The following CADM4 variants were observed in gnomAD, a reference collection of about 807,000 sequenced individuals.
CADM4 encodes cell adhesion molecule 4.
Under a neutral mutation model 43.9 loss-of-function variants are expected in CADM4, and 13 were observed. That is an observed-to-expected ratio of 0.30 (90% CI 0.19 to 0.47). The LOEUF is 0.47. Among genes scored for constraint, CADM4 ranks in the 20% least tolerant of loss-of-function variants. CADM4 has a pLI of 1.00. For missense variants in CADM4, 420 were observed against 527.0 expected (o/e 0.80, Z 1.99); for synonymous variants, 209 against 220.9 (o/e 0.95, Z 0.48).
intron 1 of CADM4, among the ~76,000 whole-genome samples, chr19:43,632,950 T>G (rs1344296406): frequency 1.3e-5 from 2 of 150,758 alleles, no homozygotes; most frequent in Admixed American, 1.3e-4. Flanking sequence ...AGCTAGGCAG[T>G]GGTAGCCCGG....
intron 1 of CADM4, among the ~76,000 whole-genome samples, chr19:43,631,889 C>T (rs773446374): frequency 1.4e-4 from 21 of 152,214 alleles, no homozygotes; most frequent in East Asian, 5.8e-4. Context: ...TTTAGTGTAA[C>T]GCTTTGGGTA....
upstream of CADM4, among the ~76,000 whole-genome samples, chr19:43,640,396 G>C (rs999987705): frequency 2.6e-5 from 4 of 151,818 alleles, no homozygotes; most frequent in Non-Finnish European, 5.9e-5. Context: ...CTGAGCCACC[G>C]GGACAGGGGA....
In CADM4 at chr19:43,627,150, A is replaced by T. The variant is rs1331343629; in HGVS notation, c.364+16T>A. ...AAAGGAGGAGAGGATGCGTCTGACA[A>T]GGGGGAGGGCGTTACCTAGTACCGT... On this transcript the variant is annotated intron_variant, in intron 3 of 8. Transcript: ENST00000222374. The surrounding 1 kb of genome is among the most constrained non-coding windows in gnomAD (Gnocchi z 4.0). 1.9e-6 allele frequency: 3 copies of T among 1,549,700 alleles called. No homozygotes were observed. Among genetic ancestry groups the T allele is most frequent in the Non-Finnish European group, 2.6e-6 (3 of 1,144,204 alleles).
chr19:43,640,105 G>A (rs545602247), upstream of CADM4, among the ~76,000 whole-genome samples: 6 of 150,462 alleles, frequency 4.0e-5, no homozygotes, highest in East Asian at 1.2e-3. Context: ...AATGGAGGGT[G>A]TTGGGTGAGG....
chr19:43,639,626 G>T, intron 1 of CADM4, 101 bp downstream of exon 1: 2 of 656,600 alleles, frequency 3.0e-6, no homozygotes, highest in South Asian at 6.5e-5. Context: ...GCCCGGCCCC[G>T]CGCGCATTGT....
chr19:43,633,656 T>TTC (rs908631096), intron 1 of CADM4, among the ~76,000 whole-genome samples: 8 of 144,116 alleles, frequency 5.6e-5, no homozygotes, highest in African/African-American at 1.6e-4. Flanking sequence ...CTTTCTCTCT[T>TTC]TCTCTCTCTC....
chr19:43,627,168 A>T lies in CADM4; in HGVS notation c.362T>A (p.Leu121Gln), dbSNP rs775675696. 1 of 1,593,402 alleles carries T rather than the reference A, an allele frequency of 6.3e-7. No homozygotes were observed. The highest frequency in any genetic ancestry group is 1.1e-5 in the South Asian group (1 of 88,554). Residue 121 changes from leucine (L) to glutamine (Q), a missense_variant and splice_region_variant, in exon 3 of 9, where the codon CTA becomes CAA. Physicochemically the swap from Leu to Gln is moderately radical, Grantham distance 113. Transcript: ENST00000222374. The surrounding 1 kb of genome is among the most constrained non-coding windows in gnomAD (Gnocchi z 4.0). Reference protein sequence around the residue: ...THHQIATLTVLVAPENPVVEV... With the variant: ...THHQIATLTVQVAPENPVVEV... ...TCTGACAAGGGGGAGGGCGTTACCT[A>T]GTACCGTGAGCGTGGCAATCTGGTG... is the stretch of plus-strand genomic sequence containing the variant.
Position 43,626,696 on chromosome 19 carries a change from G to T in CADM4, c.499+88C>A. Reference sequence around the variant, plus strand: ...TACATATTGAATGTCCAGTGTCTGTGAAAACCTGTGGCTCCTCTCCACATA... The same window carrying T: ...TACATATTGAATGTCCAGTGTCTGTTAAAACCTGTGGCTCCTCTCCACATA... On this transcript the variant is annotated intron_variant, in intron 4 of 8. Coordinates refer to ENST00000222374, the MANE Select transcript of CADM4 (RefSeq NM_145296.2). The surrounding 1 kb of genome is among the most constrained non-coding windows in gnomAD (Gnocchi z 5.9). 6.9e-7 allele frequency: 1 copy of T among 1,458,998 alleles called. No individual in the cohort carries two copies. Among genetic ancestry groups the T allele is most frequent in the Non-Finnish European group, 9.1e-7 (1 of 1,095,432 alleles). 90.4% of individuals were successfully genotyped at this position (1,458,998 alleles called of 1,614,324 possible). A position where few individuals can be genotyped will look rare whatever the true frequency, so the allele number is the denominator to read the frequency against.
At chr19:43,624,979 G>C in intron 7 of CADM4, 99 bp downstream of exon 7, 1 of 1,288,418 alleles carries the variant, frequency 7.8e-7, no homozygotes, top group South Asian at 1.5e-5. Context: ...AACTCTGTTG[G>C]CTGCCGAACC....
intron 1 of CADM4, among the ~76,000 whole-genome samples, chr19:43,634,359 C>A (rs1042626326): frequency 2.0e-5 from 3 of 152,178 alleles, no homozygotes; most frequent in African/African-American, 7.2e-5. Context: ...CCCCATTTTA[C>A]AGATGTGGAG....
chr19:43,626,764 C>A lies in CADM4; in HGVS notation c.499+20G>T. Reference sequence around the variant, plus strand: ...GTCCCACCTCCTCCCCATCCCTTGTCAGCACTCGGCCCAGGGTACCTTTCA... The same window carrying A: ...GTCCCACCTCCTCCCCATCCCTTGTAAGCACTCGGCCCAGGGTACCTTTCA... On this transcript the variant is annotated intron_variant, in intron 4 of 8. Coordinates refer to ENST00000222374, the MANE Select transcript of CADM4 (RefSeq NM_145296.2). This position sits in a 1 kb window ranked among gnomAD's most constrained non-coding sequence, Gnocchi z 5.9. 1.9e-6 allele frequency: 3 copies of A among 1,550,878 alleles called. No homozygotes were observed. Among genetic ancestry groups the A allele is most frequent in the South Asian group, 2.4e-5 (2 of 83,594 alleles).
intron 7 of CADM4, 48 bp from the exon 8 acceptor site, chr19:43,624,290 A>C (rs144982816): frequency 6.2e-7 from 1 of 1,612,998 alleles, no homozygotes; most frequent in Non-Finnish European, 8.5e-7. Flanking sequence ...GGACGATCCC[A>C]GTCTGGCCCC....
Position 43,635,327 on chromosome 19 carries a change from C to G in CADM4, c.64+4400G>C, listed in dbSNP as rs558336529. Among the ~76,000 whole-genome samples, 4 of 152,096 alleles carry G rather than the reference C, an allele frequency of 2.6e-5. No individual in the cohort carries two copies. In the East Asian group the frequency reaches 7.8e-4, roughly 29 times the overall value. ...TGCGTCCTGACTGAACCCCCCTCAG[C>G]CCCCCATCAATGGCGGAGTCCGAAC... On this transcript the variant is annotated intron_variant, in intron 1 of 8. Transcript: ENST00000222374.
In CADM4 at chr19:43,627,083, G is replaced by A; in HGVS notation, c.364+83C>T. ...ATGCCCATCCAGGATGTTAAAAATA[G>A]CCATGGTCTGAAAGTCTCAGGAGAA... On this transcript the variant is annotated intron_variant, in intron 3 of 8. Transcript: ENST00000222374. The surrounding 1 kb of genome is among the most constrained non-coding windows in gnomAD (Gnocchi z 4.0). 2 of 1,500,456 alleles carry A rather than the reference G, an allele frequency of 1.3e-6. No homozygotes were observed. Among genetic ancestry groups the A allele is most frequent in the Non-Finnish European group, 1.8e-6 (2 of 1,117,792 alleles). 92.9% of individuals were successfully genotyped at this position (1,500,456 alleles called of 1,614,324 possible).
chr19:43,639,782 C>A lies in CADM4; in HGVS notation c.9G>T (p.Arg3=), dbSNP rs1263071045. 5.9e-6 allele frequency: 6 copies of A among 1,016,428 alleles called. No homozygotes were observed. The highest frequency in any genetic ancestry group is 1.8e-5 in the African/African-American group (1 of 56,810). 63.0% of individuals were successfully genotyped at this position (1,016,428 alleles called of 1,614,324 possible). Reference sequence around the variant, plus strand: ...GCAGCGGCCACTGGAAGCGCCGGGCCCGGCCCATGGTGCCGCCGCCGCCGC... The same window carrying A: ...GCAGCGGCCACTGGAAGCGCCGGGCACGGCCCATGGTGCCGCCGCCGCCGC... MG[R]ARRFQWPLLL... is the part of the protein sequence containing the mutation. The change falls in exon 1 of 9, where the codon CGG becomes CGT. Residue 3 remains arginine (R), a synonymous_variant. Transcript: ENST00000222374.
At chr19:43,624,505 A>T (rs1973491260) in intron 7 of CADM4, among the ~76,000 whole-genome samples, 1 of 152,030 alleles carries the variant, frequency 6.6e-6, no homozygotes, top group African/African-American at 2.4e-5. Context: ...GGGTCTCACT[A>T]TGTGGCCCAG....
chr19:43,623,464 G>T lies in CADM4; in HGVS notation c.1058-25C>A. The T allele has an allele frequency of 1.4e-6, 2 of 1,448,628 alleles. No homozygotes were observed. The highest frequency in any genetic ancestry group is 1.1e-5 in the South Asian group (1 of 87,806). 89.7% of individuals were successfully genotyped at this position (1,448,628 alleles called of 1,614,324 possible). On this transcript the variant is annotated intron_variant, in intron 8 of 8. Coordinates refer to ENST00000222374, the MANE Select transcript of CADM4 (RefSeq NM_145296.2). This position sits in a 1 kb window ranked among gnomAD's most constrained non-coding sequence, Gnocchi z 4.4. Reference sequence around the variant, plus strand: ...CCTGAGGGGGTGACAGACCCCCGGGGCAGGGGGGACATATTTGTGGATCCA... The same window carrying T: ...CCTGAGGGGGTGACAGACCCCCGGGTCAGGGGGGACATATTTGTGGATCCA...
rs1179760379 is a variant in CADM4 at position 43,627,866 on chromosome 19, C to T, written c.65-76G>A. ...TTCAATTTTTTCTTTCTCCCTCTTC[C>T]CCATCCAAACCTCCAATCCCTCTCT... On this transcript the variant is annotated intron_variant, in intron 1 of 8. Transcript: ENST00000222374. The surrounding 1 kb of genome is among the most constrained non-coding windows in gnomAD (Gnocchi z 4.0). 1.4e-6 allele frequency: 2 copies of T among 1,392,770 alleles called. No homozygotes were observed. Among genetic ancestry groups the T allele is most frequent in the East Asian group, 2.3e-5 (1 of 43,162 alleles). The allele number at this position is 1,392,770 out of a possible 1,614,324, so 86.3% of individuals were successfully genotyped here.
chr19:43,633,796 TCA>T (rs1003284966), intron 1 of CADM4, among the ~76,000 whole-genome samples: 4 of 151,818 alleles, frequency 2.6e-5, no homozygotes, highest in Non-Finnish European at 4.4e-5. Context: ...TCCTCCCACC[TCA>T]GGCTACCAAA....
Sources: allele counts gnomAD v4.1 joint callset (sites outside exome capture counted in the v4.1 genomes callset), GRCh38; gene constraint gnomAD v4.1.1; non-coding constraint Gnocchi (gnomAD v3.1); transcripts MANE v1.5; gene names NCBI Gene and HGNC (gene_info 2026-07-23, HGNC 2026-07-21).